Variants in MGAT4A observed in about 807,000 individuals in gnomAD.
MGAT4A encodes the protein N-acetylglucosaminyltransferase IVa.
A neutral mutation model predicts 74.1 loss-of-function variants in MGAT4A; 33 were observed. The ratio of observed to expected loss-of-function variants is 0.45; its 90% confidence interval spans 0.34 to 0.60. The LOEUF (loss-of-function observed/expected upper bound fraction) is 0.60. MGAT4A is among the 20% of genes least tolerant of loss of function. MGAT4A has a pLI of 0.02. For synonymous variants in MGAT4A, 198 were observed against 210.4 expected, an observed-to-expected ratio of 0.94 and a Z score of 0.51; for missense variants, 479 against 628.3, an observed-to-expected ratio of 0.76 and a Z score of 2.54.
rs70940122 is a variant in MGAT4A, at chr2:98,677,801, ATTTTTT to A, written c.262+497_262+502del. ...TAAAATCAGATTTAGCAGGTAATAA[ATTTTTT>A]TTTTTTTTTTTTTTTTGTAATTTAC... On this transcript the variant is annotated intron_variant, in intron 3 of 15. Transcript: ENST00000393487. Among the ~76,000 whole-genome samples the A allele has an allele frequency of 2.0e-3, 238 of 121,332 alleles. 4 individuals carry two copies. The East Asian group carries it at 0.027, about 14-fold the overall frequency. The allele number at this position is 121,332 out of a possible 152,430, so 79.6% of individuals were successfully genotyped here. A position where few individuals can be genotyped will look rare whatever the true frequency, so the allele number is the denominator to read the frequency against.
intron 3 of MGAT4A, among the ~76,000 whole-genome samples, chr2:98,677,746 C>T (rs932034281): frequency 3.3e-5 from 5 of 151,748 alleles, no homozygotes; most frequent in African/African-American, 1.2e-4. Context: ...AGCCAACACA[C>T]CCAGCCAATT....
intron 8 of MGAT4A, among the ~76,000 whole-genome samples, chr2:98,654,293 T>C (rs929540339): frequency 7.2e-5 from 11 of 152,080 alleles, no homozygotes; most frequent in Non-Finnish European, 1.3e-4. Flanking sequence ...GTCAACATAG[T>C]GCTGGAAATC....
At chr2:98,718,829 T>G (rs1702624693) in intron 2 of MGAT4A, among the ~76,000 whole-genome samples, 1 of 152,176 alleles carries the variant, frequency 6.6e-6, no homozygotes, top group African/African-American at 2.4e-5. Flanking sequence ...CTTCCTGGGC[T>G]TGTAAGGCAG....
At position 98,646,789 on chromosome 2, in the gene MGAT4A, G is replaced by A. The variant is rs12233254; in HGVS notation, c.775-1247C>T. On this transcript the variant is annotated intron_variant, in intron 8 of 15. Transcript: ENST00000393487. ...TTTTAAATATCCATCACTTCATAAC[G>A]ATACATTGTTTTTAAGGGGATGCAT... Among the ~76,000 whole-genome samples the A allele has an allele frequency of 5.7e-4, 87 of 152,268 alleles. No homozygotes were observed. The East Asian group carries it at 0.011, about 20-fold the overall frequency.
At chr2:98,648,109 C>T (rs1701521142) in intron 8 of MGAT4A, among the ~76,000 whole-genome samples, 1 of 151,178 alleles carries the variant, frequency 6.6e-6, no homozygotes, top group Admixed American at 6.6e-5. Context: ...AATGAACTCA[C>T]TGAGAGAATT....
At chr2:98,679,398 T>C (rs1164845633) in intron 2 of MGAT4A, among the ~76,000 whole-genome samples, 31 of 79,336 alleles carry the variant, frequency 3.9e-4, no homozygotes, top group African/African-American at 6.4e-4. Flanking sequence ...AGAGCAAGAC[T>C]CCGTCTCAAA....
At position 98,621,943 on chromosome 2, in the gene MGAT4A, C is replaced by T; in HGVS notation, c.*3623G>A. 2 of 995,632 alleles carry T rather than the reference C, an allele frequency of 2.0e-6. No homozygotes were observed. The highest frequency in any genetic ancestry group is 2.4e-6 in the Non-Finnish European group (2 of 836,384). 61.7% of individuals were successfully genotyped at this position (995,632 alleles called of 1,614,324 possible). On this transcript the variant is annotated 3_prime_UTR_variant, in exon 16 of 16. Transcript: ENST00000393487. ...CATCTCCAATTGTTGAACAAATACA[C>T]ACATACGTATCTACAGCCTATGTGC...
intron 4 of MGAT4A, 26 bp downstream of exon 4, chr2:98,675,009 T>C (rs1403854070): frequency 6.2e-7 from 1 of 1,604,834 alleles, no homozygotes; most frequent in Non-Finnish European, 8.5e-7. Context: ...GTAGTACAAC[T>C]GCAGTAAGAA....
At chr2:98,722,399 T>C (rs993520148) in intron 2 of MGAT4A, among the ~76,000 whole-genome samples, 2 of 152,190 alleles carry the variant, frequency 1.3e-5, no homozygotes, top group Non-Finnish European at 1.5e-5. Flanking sequence ...GGGTGAACAT[T>C]GCATAGATTA....
rs368382207 is a variant in MGAT4A, at chr2:98,721,190, G to C, written c.94+5049C>G. On this transcript the variant is annotated intron_variant, in intron 2 of 15. Transcript: ENST00000393487. ...AACCAAGAATCCTATGTCCAGAAAA[G>C]CTATCTTTCAAAAATAAAGGTGAAA... Among the ~76,000 whole-genome samples the C allele has an allele frequency of 6.8e-4, 104 of 152,224 alleles. 2 individuals are homozygous for C. In the South Asian group the frequency reaches 0.019, roughly 28 times the overall value.
intron 2 of MGAT4A, among the ~76,000 whole-genome samples, chr2:98,723,769 C>A (rs1702720136): frequency 1.3e-5 from 2 of 152,232 alleles, no homozygotes; most frequent in African/African-American, 4.8e-5. Context: ...ATTCATCCTT[C>A]ATATTCTACC....
chr2:98,668,278 C>A (rs1701865409), intron 4 of MGAT4A, among the ~76,000 whole-genome samples: 1 of 152,194 alleles, frequency 6.6e-6, no homozygotes, highest in South Asian at 2.1e-4. Context: ...GCCCAGGGTC[C>A]CTCTGCTGTG....
chr2:98,625,609 T>C lies in MGAT4A; in HGVS notation c.1582-17A>G, dbSNP rs774753928. The C allele has an allele frequency of 1.9e-6, 3 of 1,599,930 alleles. No homozygotes were observed. In the South Asian group the frequency reaches 3.4e-5, roughly 18 times the overall value. On this transcript the variant is annotated splice_polypyrimidine_tract_variant and intron_variant, in intron 15 of 15. Transcript: ENST00000393487. ...AATATGAATCTGAAATACAAAATCA[T>C]AAAAGGTATGATAAAGCTGTTAATT...
At chr2:98,651,976 G>A (rs1172182229) in intron 8 of MGAT4A, among the ~76,000 whole-genome samples, 1 of 152,072 alleles carries the variant, frequency 6.6e-6, no homozygotes, top group Non-Finnish European at 1.5e-5. Context: ...GAAGGACATT[G>A]TACAATAATA....
At chr2:98,662,382 C>G (rs1455311798) in intron 5 of MGAT4A, among the ~76,000 whole-genome samples, 3 of 152,000 alleles carry the variant, frequency 2.0e-5, no homozygotes, top group Admixed American at 2.0e-4. Context: ...TTGTTTTGAA[C>G]AGTATGCATT....
rs188621356 is a variant in MGAT4A, at chr2:98,682,962, C to T, written c.95-4491G>A. Among the ~76,000 whole-genome samples, 826 of 152,156 alleles carry T rather than the reference C, an allele frequency of 5.4e-3. 1 individual carries two copies. The highest frequency in any genetic ancestry group is 0.019 in the African/African-American group (774 of 41,520). On this transcript the variant is annotated intron_variant, in intron 2 of 15. Coordinates refer to ENST00000393487, the MANE Select transcript of MGAT4A (RefSeq NM_012214.3). ...ATTTAGCCGGGCGTGGTGGCGGGCGCCTGTAGTCCCAGCTATGCGGGAAGC... is the reference window on the plus strand; with the variant it reads ...ATTTAGCCGGGCGTGGTGGCGGGCGTCTGTAGTCCCAGCTATGCGGGAAGC...
In MGAT4A at chr2:98,624,125, G is replaced by T. The variant is rs1010301727; in HGVS notation, c.*1441C>A. 2 of 715,990 alleles carry T rather than the reference G, an allele frequency of 2.8e-6. No individual in the cohort carries two copies. Among genetic ancestry groups the T allele is most frequent in the South Asian group, 1.2e-4 (2 of 16,012 alleles). The allele number at this position is 715,990 out of a possible 1,614,324, so 44.4% of individuals were successfully genotyped here. The stretch of plus-strand genomic sequence containing the variant: ...CCTCCTGGGTTCACGCCATTCTCCT[G>T]CCTCAGCCTCCCAAGTAGCTGGGAT... On this transcript the variant is annotated 3_prime_UTR_variant, in exon 16 of 16. Coordinates refer to ENST00000393487, the MANE Select transcript of MGAT4A (RefSeq NM_012214.3).
chr2:98,678,249 A>AAATATATAT (rs67023324), intron 3 of MGAT4A, 55 bp downstream of exon 3: 211 of 263,806 alleles, frequency 8.0e-4, no homozygotes, highest in African/African-American at 5.7e-3. Context: ...AAAAAAAAAA[A>AAATATATAT]ATATATATAT....
chr2:98,722,948 G>A (rs531315729), intron 2 of MGAT4A, among the ~76,000 whole-genome samples: 34 of 152,222 alleles, frequency 2.2e-4, no homozygotes, highest in African/African-American at 7.2e-4. Context: ...AGACAGACAC[G>A]TAACTACTCC....
Sources: gnomAD v4.1 joint callset for allele counts (sites outside exome capture counted in the v4.1 genomes callset) on GRCh38, gnomAD v4.1.1 for gene constraint, MANE v1.5 for transcripts, NCBI Gene and HGNC (gene_info 2026-07-23, HGNC 2026-07-21) for gene names.